Variants in DCPS observed in about 807,000 individuals in gnomAD.
The protein encoded by DCPS is m7GpppX diphosphatase.
A neutral mutation model predicts 34.7 loss-of-function variants in DCPS; 27 were observed. That is an observed-to-expected ratio of 0.78 (90% CI 0.57 to 1.07). DCPS has a LOEUF of 1.07. Among genes scored for constraint, DCPS ranks in the 50% least tolerant of loss-of-function variants. The pLI is 0.00. For missense variants in DCPS, 464 were observed against 436.9 expected (o/e 1.06, Z -0.55); for synonymous variants, 185 against 185.7 (o/e 1.00, Z 0.03).
intron 2 of DCPS, among the ~76,000 whole-genome samples, chr11:126,330,719 ATTTTTTTTTTTTTT>A (rs1167717646): frequency 1.6e-4 from 3 of 18,882 alleles, no homozygotes; most frequent in Non-Finnish European, 2.6e-4. Flanking sequence ...ATATATATAT[ATTTTTTTTTTTTTT>A]TTTTTTTTTT....
At position 126,321,394 on chromosome 11, in the gene DCPS, C is replaced by T. The variant is rs74978022; in HGVS notation, c.377-10011C>T. Among the ~76,000 whole-genome samples the T allele has an allele frequency of 7.9e-3, 1,203 of 152,204 alleles. 25 individuals are homozygous for T. Among genetic ancestry groups the T allele is most frequent in the African/African-American group, 0.028 (1,149 of 41,522 alleles). On this transcript the variant is annotated intron_variant, in intron 2 of 5. Coordinates refer to ENST00000263579, the MANE Select transcript of DCPS (RefSeq NM_014026.6). ...ACACCTTGAGCATTTGCAGTGTTGC[C>T]GTGATCCCCCGGCCCCCATCCAGCT...
In DCPS at chr11:126,322,791, A is replaced by G. The variant is rs190452729; in HGVS notation, c.377-8614A>G. 1.3e-4 allele frequency among the ~76,000 whole-genome samples: 19 copies of G among 151,918 alleles called. No individual in the cohort carries two copies. The highest frequency in any genetic ancestry group is 1.1e-3 in the Admixed American group (17 of 15,240). ...TTATTTTTAGTAGAGACGGGGTTTC[A>G]CCATGTTGGCCAGTCTATCCTAAAA... On this transcript the variant is annotated intron_variant, in intron 2 of 5. Transcript: ENST00000263579. This position sits in a 1 kb window ranked among gnomAD's most constrained non-coding sequence, Gnocchi z 4.2.
Position 126,343,164 on chromosome 11 carries a change from G to C in DCPS, c.637-143G>C, listed in dbSNP as rs890461916. 5 of 658,736 alleles carry C rather than the reference G, an allele frequency of 7.6e-6. No individual in the cohort carries two copies. In the East Asian group the frequency reaches 1.1e-4, roughly 14 times the overall value. 40.8% of individuals were successfully genotyped at this position (658,736 alleles called of 1,614,324 possible). On this transcript the variant is annotated intron_variant, in intron 4 of 5. Coordinates refer to ENST00000263579, the MANE Select transcript of DCPS (RefSeq NM_014026.6). ...CTTAAGACCATCCCACACGCCCGGG[G>C]TATGCAGATGCCCTGCGGGGTTTCT...
In DCPS at chr11:126,327,286, C is replaced by T. The variant is rs148505908; in HGVS notation, c.377-4119C>T. On this transcript the variant is annotated intron_variant, in intron 2 of 5. Transcript: ENST00000263579. This position sits in a 1 kb window ranked among gnomAD's most constrained non-coding sequence, Gnocchi z 4.1. ...TAAAGCCACTAGTTTTGTTGAATGC[C>T]CCTGGATTTTGGTTTGCTGATATTT... Among the ~76,000 whole-genome samples, 229 of 152,174 alleles carry T rather than the reference C, an allele frequency of 1.5e-3. 1 individual carries two copies. The highest frequency in any genetic ancestry group is 2.4e-3 in the Non-Finnish European group (161 of 68,008).
At chr11:126,339,915 G>A (rs889009128) in intron 4 of DCPS, among the ~76,000 whole-genome samples, 1 of 152,198 alleles carries the variant, frequency 6.6e-6, no homozygotes, top group Non-Finnish European at 1.5e-5. Context: ...CACCGTTAAT[G>A]AGAATCCCAG....
chr11:126,324,433 G>A (rs1385684954), intron 2 of DCPS, among the ~76,000 whole-genome samples: 1 of 151,750 alleles, frequency 6.6e-6, no homozygotes, highest in African/African-American at 2.4e-5. Flanking sequence ...GGAAGTTCTG[G>A]GAAGACACAT....
intron 4 of DCPS, among the ~76,000 whole-genome samples, chr11:126,340,125 C>T (rs954540232): frequency 2.0e-5 from 3 of 152,214 alleles, no homozygotes; most frequent in Non-Finnish European, 4.4e-5. Context: ...ACCCCAGTGC[C>T]TCCAGGCTCT....
In DCPS at chr11:126,331,299, C is replaced by T; in HGVS notation, c.377-106C>T. On this transcript the variant is annotated intron_variant, in intron 2 of 5. Transcript: ENST00000263579. This position sits in a 1 kb window ranked among gnomAD's most constrained non-coding sequence, Gnocchi z 7.2. ...CATGATCCTCTTGGATTTTGGCTTC[C>T]CTCAGGGAATCAAAGCCAGGGTGGG... The T allele has an allele frequency of 6.6e-7, 1 of 1,521,810 alleles. No individual in the cohort carries two copies. The highest frequency in any genetic ancestry group is 8.9e-7 in the Non-Finnish European group (1 of 1,129,330). 94.3% of individuals were successfully genotyped at this position (1,521,810 alleles called of 1,614,324 possible).
intron 2 of DCPS, among the ~76,000 whole-genome samples, chr11:126,317,689 A>G (rs1030472056): frequency 4.6e-5 from 7 of 152,212 alleles, no homozygotes; most frequent in Admixed American, 2.0e-4. Context: ...TTCAGGCAGG[A>G]AGTTGAGAGA....
rs1951653640 is a variant in DCPS at position 126,315,928 on chromosome 11, A to G, written c.376+9184A>G. ...AGGGTTTCATCATGTTGGCCAGGCT[A>G]TCTCAAACTCCTGACCTCAAGTGAT... is the stretch of plus-strand genomic sequence containing the variant. On this transcript the variant is annotated intron_variant, in intron 2 of 5. Transcript: ENST00000263579. The surrounding 1 kb of genome is among the most constrained non-coding windows in gnomAD (Gnocchi z 6.1). 6.6e-6 allele frequency among the ~76,000 whole-genome samples: 1 copy of G among 151,938 alleles called. No homozygotes were observed. Among genetic ancestry groups the G allele is most frequent in the Non-Finnish European group, 1.5e-5 (1 of 67,992 alleles).
In DCPS at chr11:126,338,177, C is replaced by A; in HGVS notation, c.523-109C>A. The A allele has an allele frequency of 9.9e-7, 1 of 1,013,048 alleles. No individual in the cohort carries two copies. Among genetic ancestry groups the A allele is most frequent in the Non-Finnish European group, 1.5e-6 (1 of 666,336 alleles). The allele number at this position is 1,013,048 out of a possible 1,614,324, so 62.8% of individuals were successfully genotyped here. ...CTCTGAGCGTGGCGGCCTTTTATGG[C>A]TTGGTTCTGTCTCCTGGAGAGGCCA... On this transcript the variant is annotated intron_variant, in intron 3 of 5. Transcript: ENST00000263579. The surrounding 1 kb of genome is among the most constrained non-coding windows in gnomAD (Gnocchi z 5.4).
intron 2 of DCPS, among the ~76,000 whole-genome samples, chr11:126,307,930 G>A (rs1951586739): frequency 6.6e-6 from 1 of 152,122 alleles, no homozygotes; most frequent in African/African-American, 2.4e-5. Context: ...CAGTAGACTG[G>A]GGTCTTGCTC....
chr11:126,331,068 A>G lies in DCPS; in HGVS notation c.377-337A>G, dbSNP rs368046107. On this transcript the variant is annotated intron_variant, in intron 2 of 5. Transcript: ENST00000263579. This position sits in a 1 kb window ranked among gnomAD's most constrained non-coding sequence, Gnocchi z 7.2. ...CATATTTTCAGCTTTGGGTCCAGAA[A>G]GCCACATACCTAGAAATTTGGTATG... is the stretch of plus-strand genomic sequence containing the variant. Among the ~76,000 whole-genome samples, 1 of 152,058 alleles carries G rather than the reference A, an allele frequency of 6.6e-6. No individual in the cohort carries two copies. The highest frequency in any genetic ancestry group is 6.5e-5 in the Admixed American group (1 of 15,268).
At chr11:126,305,503 C>T (rs1325589966) in intron 1 of DCPS, among the ~76,000 whole-genome samples, 2 of 145,672 alleles carry the variant, frequency 1.4e-5, no homozygotes, top group Non-Finnish European at 3.0e-5. Context: ...TCACTGCAAC[C>T]TCCACTTTCT....
At chr11:126,314,036 G>A (rs1045215690) in intron 2 of DCPS, among the ~76,000 whole-genome samples, 26 of 152,158 alleles carry the variant, frequency 1.7e-4, no homozygotes, top group African/African-American at 6.0e-4. Flanking sequence ...CCTACTTCTG[G>A]GTTTTAGGCA....
chr11:126,307,330 C>G (rs1951578265), intron 2 of DCPS, among the ~76,000 whole-genome samples: 1 of 134,624 alleles, frequency 7.4e-6, no homozygotes, highest in Admixed American at 7.5e-5. Flanking sequence ...AAAACCCTAT[C>G]TCAAAAAAAA....
Position 126,320,911 on chromosome 11 carries a change from G to T in DCPS, c.377-10494G>T, listed in dbSNP as rs980973509. ...TGCTTTCCCATTTCATATGGAACTT[G>T]CTCCTTCCTTGCCCCAGCAGGAGAG... On this transcript the variant is annotated intron_variant, in intron 2 of 5. Transcript: ENST00000263579. This position sits in a 1 kb window ranked among gnomAD's most constrained non-coding sequence, Gnocchi z 4.7. 2.6e-5 allele frequency among the ~76,000 whole-genome samples: 4 copies of T among 152,274 alleles called. No individual in the cohort carries two copies. The highest frequency in any genetic ancestry group is 3.4e-3 in the Middle Eastern group (1 of 294).
chr11:126,309,648 G>A (rs1443117783), intron 2 of DCPS, among the ~76,000 whole-genome samples: 1 of 152,150 alleles, frequency 6.6e-6, no homozygotes, highest in African/African-American at 2.4e-5. Flanking sequence ...TACATGCGGT[G>A]CCTTTCGCTC....
intron 2 of DCPS, among the ~76,000 whole-genome samples, chr11:126,308,622 G>T (rs542843377): frequency 6.6e-6 from 1 of 152,336 alleles, no homozygotes; most frequent in African/African-American, 2.4e-5. Flanking sequence ...ATGACAGAAG[G>T]CACCGTGGCC....
Sources: gnomAD v4.1 joint callset for allele counts (sites outside exome capture counted in the v4.1 genomes callset) on GRCh38, gnomAD v4.1.1 for gene constraint, Gnocchi (gnomAD v3.1) non-coding constraint, MANE v1.5 for transcripts, NCBI Gene and HGNC (gene_info 2026-07-23, HGNC 2026-07-21) for gene names.